Variants in TMEM266 observed in about 807,000 individuals in gnomAD.
TMEM266 encodes transmembrane protein 266.
Under a neutral mutation model 50.5 loss-of-function variants are expected in TMEM266, and 33 were observed. The observed-to-expected ratio is 0.65, with a 90% CI of 0.50 to 0.87. The LOEUF is 0.87. Ranked by LOEUF, TMEM266 falls within the 40% of genes least tolerant of loss-of-function variation. The pLI, the probability that TMEM266 is intolerant of heterozygous loss-of-function variation, is 0.00. For synonymous variants in TMEM266, 310 were observed against 292.3 expected, an observed-to-expected ratio of 1.06 and a Z score of -0.62; for missense variants, 655 against 695.1, an observed-to-expected ratio of 0.94 and a Z score of 0.65.
chr15:76,191,940 A>T (rs954358040), intron 8 of TMEM266, 28 bp from the exon 9 acceptor site: 2 of 1,553,016 alleles, frequency 1.3e-6, no homozygotes, highest in Non-Finnish European at 1.7e-6. Flanking sequence ...CTCGCCGCTG[A>T]TTCAGCCTTG....
chr15:76,081,405 A>G (rs1481177482), intron 1 of TMEM266, among the ~76,000 whole-genome samples: 1 of 152,230 alleles, frequency 6.6e-6, no homozygotes, highest in Non-Finnish European at 1.5e-5. Context: ...CCTGGAGGTC[A>G]CATTATGAAA....
intron 1 of TMEM266, among the ~76,000 whole-genome samples, chr15:76,130,752 G>A (rs2142026788): frequency 6.6e-6 from 1 of 152,088 alleles, no homozygotes; most frequent in East Asian, 1.9e-4. Context: ...GTTGGGTGGT[G>A]GGGAATTAGA....
At chr15:76,072,651 T>G (rs1481568664) in intron 1 of TMEM266, among the ~76,000 whole-genome samples, 1 of 152,064 alleles carries the variant, frequency 6.6e-6, no homozygotes, top group African/African-American at 2.4e-5. Flanking sequence ...TTCTTTCTTT[T>G]TTTTTGAGAT....
intron 2 of TMEM266, among the ~76,000 whole-genome samples, chr15:76,134,717 A>G (rs930987007): frequency 6.6e-6 from 1 of 152,108 alleles, no homozygotes; most frequent in Non-Finnish European, 1.5e-5. Context: ...ATTCTATTAC[A>G]CCACACTGTC....
chr15:76,080,057 A>C (rs962308248), intron 1 of TMEM266, among the ~76,000 whole-genome samples: 12 of 151,754 alleles, frequency 7.9e-5, no homozygotes, highest in Admixed American at 2.6e-4. Flanking sequence ...CAATGACTTA[A>C]CAGTGATGTT....
intron 9 of TMEM266, among the ~76,000 whole-genome samples, chr15:76,200,504 T>A (rs559806408): frequency 1.3e-5 from 2 of 152,314 alleles, no homozygotes; most frequent in African/African-American, 4.8e-5. Context: ...TACCCTGGCC[T>A]CCTCCTGCAA....
chr15:76,152,414 C>T (rs2037858418), intron 3 of TMEM266, among the ~76,000 whole-genome samples: 1 of 152,170 alleles, frequency 6.6e-6, no homozygotes, highest in South Asian at 2.1e-4. Flanking sequence ...GCAGCTGCCT[C>T]GGGTTTCTTG....
At chr15:76,173,633 T>G (rs2038221128) in intron 7 of TMEM266, among the ~76,000 whole-genome samples, 1 of 152,190 alleles carries the variant, frequency 6.6e-6, no homozygotes, top group Non-Finnish European at 1.5e-5. Context: ...GCGTATTTCA[T>G]TCACGTGAAA....
intron 1 of TMEM266, among the ~76,000 whole-genome samples, chr15:76,121,023 A>T (rs768268911): frequency 3.0e-4 from 46 of 152,200 alleles, no homozygotes; most frequent in Non-Finnish European, 4.9e-4. Flanking sequence ...AGGGATGTCC[A>T]TATATACTGC....
At chr15:76,082,997 C>G (rs1221215446) in intron 1 of TMEM266, among the ~76,000 whole-genome samples, 2 of 151,324 alleles carry the variant, frequency 1.3e-5, no homozygotes, top group Admixed American at 1.3e-4. Flanking sequence ...ACAACAACAA[C>G]CAGCTGTGGC....
At chr15:76,125,921 A>G (rs2037416350) in intron 1 of TMEM266, among the ~76,000 whole-genome samples, 1 of 151,804 alleles carries the variant, frequency 6.6e-6, no homozygotes, top group Non-Finnish European at 1.5e-5. Context: ...TCCAAAGGAG[A>G]CACACGAATG....
At chr15:76,078,451 G>C (rs982683304) in intron 1 of TMEM266, among the ~76,000 whole-genome samples, 1 of 151,090 alleles carries the variant, frequency 6.6e-6, no homozygotes, top group South Asian at 2.1e-4. Flanking sequence ...TGCTAAGTTT[G>C]ACTCAACCTT....
chr15:76,123,451 G>C (rs1024693444), intron 1 of TMEM266, among the ~76,000 whole-genome samples: 9 of 152,154 alleles, frequency 5.9e-5, no homozygotes, highest in Admixed American at 6.5e-5. Flanking sequence ...AACCTCACAT[G>C]CATGCAATGC....
intron 3 of TMEM266, among the ~76,000 whole-genome samples, chr15:76,144,126 T>C (rs1292596289): frequency 1.3e-5 from 2 of 152,200 alleles, no homozygotes; most frequent in Non-Finnish European, 2.9e-5. Context: ...CCTGGCCATC[T>C]CAAACCCAGC....
At chr15:76,103,910 C>CAAAA (rs35293752) in intron 1 of TMEM266, among the ~76,000 whole-genome samples, 2 of 126,990 alleles carry the variant, frequency 1.6e-5, no homozygotes, top group Non-Finnish European at 3.3e-5. Flanking sequence ...GACTCCATCT[C>CAAAA]AAAAAAAAAA....
chr15:76,170,022 A>G (rs2038164093), intron 6 of TMEM266, 150 bp downstream of exon 6: 3 of 484,704 alleles, frequency 6.2e-6, no homozygotes, highest in Non-Finnish European at 1.2e-5. Context: ...TGGGTGGGGC[A>G]GGGAGGGGGA....
chr15:76,166,682 T>C (rs1026354342), intron 5 of TMEM266, among the ~76,000 whole-genome samples: 1 of 152,220 alleles, frequency 6.6e-6, no homozygotes, highest in African/African-American at 2.4e-5. Context: ...GGCCTCTGCC[T>C]TTTCAGCTAA....
At chr15:76,197,086 C>G (rs2038668060) in intron 9 of TMEM266, among the ~76,000 whole-genome samples, 1 of 152,216 alleles carries the variant, frequency 6.6e-6, no homozygotes, top group Admixed American at 6.5e-5. Flanking sequence ...TGCGGCCAGC[C>G]TGCTCTGTGC....
At chr15:76,129,759 G>C (rs2037477714) in intron 1 of TMEM266, among the ~76,000 whole-genome samples, 1 of 152,124 alleles carries the variant, frequency 6.6e-6, no homozygotes, top group Non-Finnish European at 1.5e-5. Flanking sequence ...CCAATTAATT[G>C]CAAGGTGAAA....
Sources: allele counts gnomAD v4.1 joint callset (sites outside exome capture counted in the v4.1 genomes callset), GRCh38; gene constraint gnomAD v4.1.1; transcripts MANE v1.5; gene names NCBI Gene and HGNC (gene_info 2026-07-23, HGNC 2026-07-21).